ERLEC1: variants seen among roughly 807,000 people sequenced by gnomAD.
The protein encoded by ERLEC1 is ER lectin.
ERLEC1 carries 47 observed loss-of-function variants against 68.0 expected under a neutral mutation model. That is an observed-to-expected ratio of 0.69 (90% CI 0.55 to 0.88). ERLEC1 has a LOEUF of 0.88. Ranked by LOEUF, ERLEC1 falls within the 40% of genes least tolerant of loss-of-function variation. The pLI, the probability that ERLEC1 is intolerant of heterozygous loss-of-function variation, is 0.00. For synonymous variants in ERLEC1, 225 were observed against 203.2 expected (o/e 1.11, Z -0.91); for missense variants, 567 against 583.8 (o/e 0.97, Z 0.30).
At chr2:53,795,583 G>T (rs980266892) in intron 2 of ERLEC1, among the ~76,000 whole-genome samples, 7 of 151,980 alleles carry the variant, frequency 4.6e-5, no homozygotes, top group African/African-American at 1.7e-4. Context: ...AATTTGTTTG[G>T]GTACAAGCAT....
intron 10 of ERLEC1, among the ~76,000 whole-genome samples, chr2:53,811,196 T>A (rs948156345): frequency 1.3e-5 from 2 of 152,262 alleles, no homozygotes; most frequent in Non-Finnish European, 2.9e-5. Context: ...CAGAGGATTA[T>A]GTCTGTACCA....
At chr2:53,795,445 GACAC>G (rs148957941) in intron 2 of ERLEC1, among the ~76,000 whole-genome samples, 6 of 151,708 alleles carry the variant, frequency 4.0e-5, no homozygotes, top group Non-Finnish European at 7.4e-5. Flanking sequence ...GTCTCCTTGA[GACAC>G]ACACACACAC....
rs1394231508 is a variant in ERLEC1 at position 53,818,011 on chromosome 2, A to C, written c.*42A>C. On this transcript the variant is annotated 3_prime_UTR_variant, in exon 14 of 14. Coordinates refer to ENST00000185150, the MANE Select transcript of ERLEC1 (RefSeq NM_015701.5). Reference sequence around the variant, plus strand: ...GGGAAAGAAAAGATCATTGAAAGTCATGATAATTTCTGTCCCACTGTGTCT... The same window carrying C: ...GGGAAAGAAAAGATCATTGAAAGTCCTGATAATTTCTGTCCCACTGTGTCT... 9.6e-6 allele frequency: 12 copies of C among 1,244,490 alleles called. No homozygotes were observed. Among genetic ancestry groups the C allele is most frequent in the Non-Finnish European group, 1.3e-5 (11 of 844,380 alleles). The allele number at this position is 1,244,490 out of a possible 1,614,324, so 77.1% of individuals were successfully genotyped here.
intron 6 of ERLEC1, among the ~76,000 whole-genome samples, chr2:53,800,281 T>TA (rs1403883339): frequency 6.6e-6 from 1 of 152,152 alleles, no homozygotes; most frequent in East Asian, 1.9e-4. Flanking sequence ...CAATATCAAA[T>TA]ACGATATATC....
At position 53,813,028 on chromosome 2, in the gene ERLEC1, C is replaced by G; in HGVS notation, c.1181C>G (p.Thr394Ser). 6.2e-7 allele frequency: 1 copy of G among 1,613,340 alleles called. No individual in the cohort carries two copies. Among genetic ancestry groups the G allele is most frequent in the South Asian group, 1.1e-5 (1 of 90,818 alleles). The part of the protein sequence containing the change: ...EEHIEWAKKN[T>S]ARAYHLQDDG... Reference sequence around the variant, plus strand: ...CATATTGAATGGGCTAAGAAGAATACTGCTAGAGCTTATCATCTTCAAGAC... The same window carrying G: ...CATATTGAATGGGCTAAGAAGAATAGTGCTAGAGCTTATCATCTTCAAGAC... Residue 394 changes from threonine to serine, a missense_variant, in exon 11 of 14, where the codon ACT (threonine) becomes AGT (serine). Physicochemically the swap from Thr to Ser is moderately conservative, Grantham distance 58. Coordinates refer to ENST00000185150, the MANE Select transcript of ERLEC1 (RefSeq NM_015701.5).
chr2:53,795,592 AT>A (rs1231618603), intron 2 of ERLEC1, among the ~76,000 whole-genome samples: 8 of 152,350 alleles, frequency 5.3e-5, no homozygotes, highest in Admixed American at 1.3e-4. Context: ...GGGTACAAGC[AT>A]TTAAAAATTC....
chr2:53,789,600 G>T (rs1377052317), intron 1 of ERLEC1, among the ~76,000 whole-genome samples: 1 of 152,022 alleles, frequency 6.6e-6, no homozygotes, highest in African/African-American at 2.4e-5. Flanking sequence ...GAAAAATCTA[G>T]AGTGTTCTGT....
In ERLEC1 at chr2:53,818,414, A is replaced by C. The variant is rs2104350918; in HGVS notation, c.*445A>C. The C allele has an allele frequency of 6.5e-6, 1 of 152,988 alleles. No homozygotes were observed. The highest frequency in any genetic ancestry group is 6.5e-5 in the Admixed American group (1 of 15,378). The allele number at this position is 152,988 out of a possible 1,614,324, so 9.5% of individuals were successfully genotyped here. On this transcript the variant is annotated 3_prime_UTR_variant, in exon 14 of 14. Coordinates refer to ENST00000185150, the MANE Select transcript of ERLEC1 (RefSeq NM_015701.5). ...AATGAGAGACCATGTAAAATATGTA[A>C]ATTCTAGTACCTGAAATCCTTTCAA...
At chr2:53,799,952 A>T (rs970419144) in intron 6 of ERLEC1, among the ~76,000 whole-genome samples, 5 of 152,154 alleles carry the variant, frequency 3.3e-5, no homozygotes, top group Non-Finnish European at 7.4e-5. Context: ...GTAAAATGAT[A>T]AAGGAAGAGG....
At chr2:53,793,861 A>G (rs1448899100) in intron 1 of ERLEC1, among the ~76,000 whole-genome samples, 3 of 152,236 alleles carry the variant, frequency 2.0e-5, no homozygotes, top group East Asian at 1.9e-4. Context: ...ACCACCAAAA[A>G]GAATGAAAGC....
chr2:53,817,077 A>AT (rs1676934543), intron 13 of ERLEC1, among the ~76,000 whole-genome samples: 1 of 150,912 alleles, frequency 6.6e-6, no homozygotes, highest in Non-Finnish European at 1.5e-5. Flanking sequence ...TCACTGATGT[A>AT]TTTTTTATCT....
intron 1 of ERLEC1, 59 bp downstream of exon 1, chr2:53,787,431 C>A (rs1675110005): frequency 6.5e-7 from 1 of 1,528,694 alleles, no homozygotes; most frequent in South Asian, 1.2e-5. Flanking sequence ...GGTTCGGCCT[C>A]TTCCCTCGGT....
chr2:53,818,541 A>G lies in ERLEC1; in HGVS notation c.*572A>G, dbSNP rs563400045. On this transcript the variant is annotated 3_prime_UTR_variant, in exon 14 of 14. Transcript: ENST00000185150. ...GTTGTCCTCACCCTTGTTAATCTCAAGAAACTCTTATTTATAATAGGTTGC... is the reference window on the plus strand; with the variant it reads ...GTTGTCCTCACCCTTGTTAATCTCAGGAAACTCTTATTTATAATAGGTTGC... 2 of 152,312 alleles carry G rather than the reference A, an allele frequency of 1.3e-5. No homozygotes were observed. The highest frequency in any genetic ancestry group is 4.8e-5 in the African/African-American group (2 of 41,564). The allele number at this position is 152,312 out of a possible 1,614,324, so 9.4% of individuals were successfully genotyped here.
At chr2:53,794,586 T>G (rs1309704217) in intron 2 of ERLEC1, 137 bp downstream of exon 2, 1 of 530,114 alleles carries the variant, frequency 1.9e-6, no homozygotes. Context: ...GTAATCACTT[T>G]TAATATCCCT....
Position 53,801,493 on chromosome 2 carries a change from T to A in ERLEC1, c.622T>A (p.Ser208Thr). Reference protein sequence around the residue: ...PCSLKQNRPRSSTVMYICHPE... With the variant: ...PCSLKQNRPRTSTVMYICHPE... ...TAGTTTGAAACAGAACCGGCCCAGA[T>A]CAAGTACTGTGATGTACATATGTCA... Residue 208 changes from serine to threonine, a missense_variant, in exon 7 of 14, where the codon TCA becomes ACA. Transcript: ENST00000185150. The A allele has an allele frequency of 1.9e-6, 3 of 1,614,090 alleles. No individual in the cohort carries two copies. The highest frequency in any genetic ancestry group is 2.5e-6 in the Non-Finnish European group (3 of 1,179,982).
intron 13 of ERLEC1, among the ~76,000 whole-genome samples, chr2:53,817,353 T>G (rs1676955202): frequency 6.6e-6 from 1 of 152,082 alleles, no homozygotes; most frequent in Non-Finnish European, 1.5e-5. Flanking sequence ...CAGAATGGTC[T>G]CGATCTTCTG....
chr2:53,798,909 A>G, intron 5 of ERLEC1, 138 bp from the exon 6 acceptor site: 2 of 544,098 alleles, frequency 3.7e-6, no homozygotes, highest in East Asian at 6.1e-5. Flanking sequence ...ACTAGCTTTA[A>G]AGTAGTAAGA....
In ERLEC1 at chr2:53,794,358, T is replaced by G; in HGVS notation, c.176T>G (p.Val59Gly). The G allele has an allele frequency of 6.5e-7, 1 of 1,528,958 alleles. No homozygotes were observed. The highest frequency in any genetic ancestry group is 1.4e-5 in the African/African-American group (1 of 71,768). 94.7% of individuals were successfully genotyped at this position (1,528,958 alleles called of 1,614,324 possible). A position where few individuals can be genotyped will look rare whatever the true frequency, so the allele number is the denominator to read the frequency against. ...GTEFSLPTTG[V>G]LYKEDNYVIM... is the part of the protein sequence containing the mutation. ...TTCTATTTGCAGCCCACAACTGGAG[T>G]TTTATATAAAGAAGATAATTATGTC... The change falls in exon 2 of 14, where the codon GTT becomes GGT. Residue 59 changes from valine to glycine, a missense_variant. Transcript: ENST00000185150.
In ERLEC1 at chr2:53,787,073, G is replaced by C; in HGVS notation, c.-138G>C. ...GCGGCGTTGCCGGGCTCTCCGGAAG[G>C]AGACGTGGCGGCGGTTGGGCCGGTG... On this transcript the variant is annotated 5_prime_UTR_variant, in exon 1 of 14. Coordinates refer to ENST00000185150, the MANE Select transcript of ERLEC1 (RefSeq NM_015701.5). 1 of 1,221,298 alleles carries C rather than the reference G, an allele frequency of 8.2e-7. No homozygotes were observed. Among genetic ancestry groups the C allele is most frequent in the Non-Finnish European group, 1.1e-6 (1 of 917,268 alleles). 75.7% of individuals were successfully genotyped at this position (1,221,298 alleles called of 1,614,324 possible).
Sources: allele counts gnomAD v4.1 joint callset (sites outside exome capture counted in the v4.1 genomes callset), GRCh38; gene constraint gnomAD v4.1.1; transcripts MANE v1.5; gene names NCBI Gene and HGNC (gene_info 2026-07-23, HGNC 2026-07-21).